DGLUCY: variants seen among roughly 807,000 people sequenced by gnomAD.
The protein encoded by DGLUCY is D-glutamate cyclase, also known as D-glutamate cyclase, mitochondrial.
Under a neutral mutation model 58.5 loss-of-function variants are expected in DGLUCY, and 58 were observed. The ratio of observed to expected loss-of-function variants is 0.99; its 90% CI spans 0.80 to 1.23. The LOEUF is 1.23. Among genes scored for constraint, DGLUCY ranks in the 50% most tolerant of loss-of-function variants. The pLI, the probability that DGLUCY is intolerant of heterozygous loss-of-function variation, is 0.00. For synonymous variants in DGLUCY, 325 were observed against 314.1 expected, an observed-to-expected ratio of 1.03 and a Z score of -0.37; for missense variants, 779 against 784.7, an observed-to-expected ratio of 0.99 and a Z score of 0.09.
intron 1 of DGLUCY, among the ~76,000 whole-genome samples, chr14:91,071,334 CAAAA>C (rs3086750): frequency 8.3e-5 from 7 of 84,222 alleles, no homozygotes; most frequent in Non-Finnish European, 9.5e-5. Flanking sequence ...GAGATTCCAC[CAAAA>C]AAAAAAAAAA....
chr14:91,156,647 T>C (rs955055185), intron 1 of DGLUCY, among the ~76,000 whole-genome samples: 6 of 152,238 alleles, frequency 3.9e-5, no homozygotes, highest in Admixed American at 1.3e-4. Flanking sequence ...CTCTCTGATA[T>C]ATTTGATGTT....
At chr14:91,208,422 A>G (rs977740788) in intron 12 of DGLUCY, among the ~76,000 whole-genome samples, 9 of 152,212 alleles carry the variant, frequency 5.9e-5, no homozygotes, top group African/African-American at 2.2e-4. Context: ...TGCCATATGT[A>G]TATATATGCT....
intron 1 of DGLUCY, among the ~76,000 whole-genome samples, chr14:91,156,022 G>T (rs2047599094): frequency 6.6e-6 from 1 of 152,036 alleles, no homozygotes; most frequent in Non-Finnish European, 1.5e-5. Context: ...ACAGAACATG[G>T]GCATGTCGGT....
At chr14:91,109,815 A>G (rs2044663112), upstream of DGLUCY, among the ~76,000 whole-genome samples, 1 of 152,206 alleles carries the variant, frequency 6.6e-6, no homozygotes, top group African/African-American at 2.4e-5. Context: ...GCTTCAACAC[A>G]GGAATTTGGA....
Position 91,080,695 on chromosome 14 carries a change from C to T in DGLUCY, c.-82+19991C>T, listed in dbSNP as rs116560493. 8.2e-3 allele frequency among the ~76,000 whole-genome samples: 1,243 copies of T among 152,036 alleles called. 18 individuals carry two copies. Among genetic ancestry groups the T allele is most frequent in the African/African-American group, 0.028 (1,165 of 41,470 alleles). ...CAGAACATGTAATTTTTAATGGTTTCCCATTTTAACCAACCATCCCAAACT... is the reference window on the plus strand; with the variant it reads ...CAGAACATGTAATTTTTAATGGTTTTCCATTTTAACCAACCATCCCAAACT... On this transcript the variant is annotated intron_variant, in intron 1 of 4. Coordinates refer to the DGLUCY transcript ENST00000521334.
intron 9 of DGLUCY, among the ~76,000 whole-genome samples, chr14:91,192,831 G>A (rs753581129): frequency 6.6e-6 from 1 of 152,102 alleles, no homozygotes; most frequent in Non-Finnish European, 1.5e-5. Context: ...AGGCTAAAAT[G>A]GTGAATTTTG....
chr14:91,198,884 G>A (rs930207230), intron 10 of DGLUCY, among the ~76,000 whole-genome samples: 2 of 152,134 alleles, frequency 1.3e-5, no homozygotes, highest in Non-Finnish European at 2.9e-5. Flanking sequence ...CCCAAGGCCC[G>A]TGGCAGGAGG....
chr14:91,119,107 AT>A (rs945673115), intron 1 of DGLUCY, among the ~76,000 whole-genome samples: 8 of 152,142 alleles, frequency 5.3e-5, no homozygotes, highest in African/African-American at 1.9e-4. Flanking sequence ...AGGGTAGAAG[AT>A]TTTTCCTCTT....
At chr14:91,132,726 C>G (rs1290748124) in intron 1 of DGLUCY, among the ~76,000 whole-genome samples, 1 of 151,916 alleles carries the variant, frequency 6.6e-6, no homozygotes, top group Non-Finnish European at 1.5e-5. Context: ...AATCTGCCAG[C>G]CTCGGCCTCC....
At chr14:91,067,803 G>T (rs2043848265) in intron 1 of DGLUCY, among the ~76,000 whole-genome samples, 1 of 152,060 alleles carries the variant, frequency 6.6e-6, no homozygotes, top group African/African-American at 2.4e-5. Context: ...ACCCACCTCG[G>T]CCTCCCAAAA....
At chr14:91,163,436 C>T (rs775263342) in intron 3 of DGLUCY, among the ~76,000 whole-genome samples, 5 of 152,126 alleles carry the variant, frequency 3.3e-5, no homozygotes, top group Admixed American at 6.5e-5. Flanking sequence ...CTTGGGCTTT[C>T]GGCAGCTGGG....
intron 1 of DGLUCY, among the ~76,000 whole-genome samples, chr14:91,069,225 ACTGTAT>A (rs2043875914): frequency 6.6e-6 from 1 of 152,156 alleles, no homozygotes; most frequent in Non-Finnish European, 1.5e-5. Context: ...CCAGCAGACA[ACTGTAT>A]CTGGCTAGAA....
chr14:91,132,253 T>C (rs2046062765), intron 1 of DGLUCY, among the ~76,000 whole-genome samples: 1 of 152,198 alleles, frequency 6.6e-6, no homozygotes, highest in African/African-American at 2.4e-5. Context: ...ACCAATATTT[T>C]TGTAAGTACA....
intron 3 of DGLUCY, among the ~76,000 whole-genome samples, chr14:91,164,487 C>T (rs1417309556): frequency 6.6e-6 from 1 of 152,152 alleles, no homozygotes; most frequent in Non-Finnish European, 1.5e-5. Flanking sequence ...TTTGGGAAGG[C>T]TTTCCAGTTA....
At chr14:91,218,408 T>A (rs544959788) in intron 13 of DGLUCY, among the ~76,000 whole-genome samples, 1 of 151,894 alleles carries the variant, frequency 6.6e-6, no homozygotes, top group African/African-American at 2.4e-5. Context: ...ATGGGGATTT[T>A]TTTTTTTTTT....
intron 1 of DGLUCY, among the ~76,000 whole-genome samples, chr14:91,068,075 G>GCGCGCGCACACA: frequency 2.2e-5 from 1 of 46,058 alleles, no homozygotes; most frequent in Non-Finnish European, 4.1e-5. Flanking sequence ...ACACACACGC[G>GCGCGCGCACACA]CACGCACACA....
chr14:91,070,882 G>A (rs2043903794), intron 1 of DGLUCY, among the ~76,000 whole-genome samples: 1 of 152,146 alleles, frequency 6.6e-6, no homozygotes, highest in Non-Finnish European at 1.5e-5. Flanking sequence ...CTGTGTCAAG[G>A]TAAAATGAGT....
intron 1 of DGLUCY, among the ~76,000 whole-genome samples, chr14:91,156,262 C>T (rs572303972): frequency 6.6e-6 from 1 of 152,080 alleles, no homozygotes; most frequent in African/African-American, 2.4e-5. Flanking sequence ...TACAGGCATG[C>T]ACCACCACAC....
chr14:91,134,314 T>C (rs1247928435), intron 1 of DGLUCY, among the ~76,000 whole-genome samples: 1 of 152,230 alleles, frequency 6.6e-6, no homozygotes. Context: ...TAGTTCTTCT[T>C]TAATGTCTTT....
Sources: gnomAD v4.1 joint callset for allele counts (sites outside exome capture counted in the v4.1 genomes callset) on GRCh38, gnomAD v4.1.1 for gene constraint, MANE v1.5 for transcripts, NCBI Gene and HGNC (gene_info 2026-07-23, HGNC 2026-07-21) for gene names.